The following ITFG1 variants were observed in gnomAD, a reference collection of about 807,000 sequenced individuals.
ITFG1 encodes integrin alpha FG-GAP repeat containing 1.
A neutral mutation model predicts 81.8 loss-of-function variants in ITFG1; 34 were observed. The observed-to-expected ratio is 0.42, with a 90% confidence interval of 0.32 to 0.55. The LOEUF (loss-of-function observed/expected upper bound fraction) is 0.55, where lower values mean the gene tolerates loss of function less well. ITFG1 is among the 20% of genes least tolerant of loss of function. The probability of loss-of-function intolerance (pLI) is 0.17; values close to 1 mark genes in which losing one functional copy is unlikely to be tolerated. For synonymous variants in ITFG1, 285 were observed against 270.6 expected (o/e 1.05, Z -0.52); for missense variants, 672 against 755.4 (o/e 0.89, Z 1.29).
chr16:47,378,507 T>A (rs192990676), intron 6 of ITFG1, among the ~76,000 whole-genome samples: 1 of 152,320 alleles, frequency 6.6e-6, no homozygotes, highest in East Asian at 1.9e-4. Flanking sequence ...GAATCTATAT[T>A]TGCATAGAAG....
intron 8 of ITFG1, among the ~76,000 whole-genome samples, chr16:47,354,208 T>C (rs546620126): frequency 2.0e-5 from 3 of 152,058 alleles, no homozygotes; most frequent in Admixed American, 6.6e-5. Flanking sequence ...AACAGAAACA[T>C]AGACCAATAG....
chr16:47,425,818 T>C (rs1308830223), intron 6 of ITFG1: 3 of 152,242 alleles, frequency 2.0e-5, no homozygotes, highest in Admixed American at 6.5e-5. Context: ...CTCAAACTCC[T>C]AAGCTCAAGT....
At chr16:47,185,683 C>T (rs928653772) in intron 14 of ITFG1, among the ~76,000 whole-genome samples, 6 of 152,166 alleles carry the variant, frequency 3.9e-5, no homozygotes, top group Admixed American at 1.3e-4. Flanking sequence ...GACACCCTAA[C>T]ATCACAATTA....
intron 5 of ITFG1, among the ~76,000 whole-genome samples, chr16:47,432,213 C>T (rs182277833): frequency 2.8e-4 from 43 of 152,244 alleles, no homozygotes; most frequent in Admixed American, 7.8e-4. Flanking sequence ...AAGTCACTAC[C>T]GTTTTCATAG....
chr16:47,373,282 A>G (rs1168624116), intron 7 of ITFG1, among the ~76,000 whole-genome samples: 1 of 151,568 alleles, frequency 6.6e-6, no homozygotes, highest in African/African-American at 2.4e-5. Context: ...TGAATACTAC[A>G]TCTTTTTTTT....
chr16:47,333,996 A>G (rs1458249900), intron 8 of ITFG1, among the ~76,000 whole-genome samples: 1 of 152,208 alleles, frequency 6.6e-6, no homozygotes, highest in Non-Finnish European at 1.5e-5. Flanking sequence ...CATTTACCAT[A>G]TTGGTATTTT....
At chr16:47,163,870 A>T (rs1488284540) in intron 14 of ITFG1, among the ~76,000 whole-genome samples, 1 of 151,514 alleles carries the variant, frequency 6.6e-6, no homozygotes, top group African/African-American at 2.4e-5. Context: ...ACTAATAGTT[A>T]TTAGCCATGA....
chr16:47,161,355 T>G (rs966229449), intron 16 of ITFG1, among the ~76,000 whole-genome samples: 22 of 152,196 alleles, frequency 1.4e-4, no homozygotes, highest in African/African-American at 4.6e-4. Context: ...CTACATCTAT[T>G]TAACTCCAAA....
At chr16:47,246,324 G>A (rs1029173882) in intron 12 of ITFG1, among the ~76,000 whole-genome samples, 2 of 152,016 alleles carry the variant, frequency 1.3e-5, no homozygotes, top group African/African-American at 4.8e-5. Context: ...ATACAATAAA[G>A]TCAAACTAGG....
chr16:47,188,585 G>T (rs1309430400), intron 14 of ITFG1, among the ~76,000 whole-genome samples: 1 of 133,972 alleles, frequency 7.5e-6, no homozygotes, highest in East Asian at 2.3e-4. Flanking sequence ...GACAGAGGAA[G>T]GGAAACATCA....
intron 12 of ITFG1, among the ~76,000 whole-genome samples, chr16:47,244,594 TGTGTGTGTGTG>T (rs1965976053): frequency 0.012 from 13 of 1,078 alleles, no homozygotes; most frequent in Non-Finnish European, 0.043. Flanking sequence ...CCATCTTTTG[TGTGTGTGTGTG>T]TGTGTGTGTG....
At chr16:47,182,232 G>GAATA (rs1312187082) in intron 14 of ITFG1, among the ~76,000 whole-genome samples, 1 of 151,482 alleles carries the variant, frequency 6.6e-6, no homozygotes, top group African/African-American at 2.4e-5. Flanking sequence ...TTAAGTAGGG[G>GAATA]AATAAAATGG....
At chr16:47,272,405 A>T (rs1966352191) in intron 10 of ITFG1, among the ~76,000 whole-genome samples, 1 of 151,004 alleles carries the variant, frequency 6.6e-6, no homozygotes, top group Non-Finnish European at 1.5e-5. Context: ...ATATGAATAC[A>T]TTTTTTTTTA....
At chr16:47,345,416 TCAGCCTCCTGAGTAGCTGGGATTACAG>T (rs2151578981) in intron 8 of ITFG1, among the ~76,000 whole-genome samples, 1 of 152,078 alleles carries the variant, frequency 6.6e-6, no homozygotes, top group South Asian at 2.1e-4. Flanking sequence ...CTCTCCTGCC[TCAGCCTCCTGAGTAGCTGGGATTACAG>T]ATGCGTGCCA....
At chr16:47,240,295 CAAAAAAAAAAA>C (rs565661862) in intron 12 of ITFG1, among the ~76,000 whole-genome samples, 1 of 52,442 alleles carries the variant, frequency 1.9e-5, no homozygotes, top group African/African-American at 7.0e-5. Context: ...GATCCTGTCT[CAAAAAAAAAAA>C]AAAAAAAAAA....
intron 2 of ITFG1, 137 bp from the exon 3 acceptor site, chr16:47,454,295 T>G (rs962588813): frequency 1.4e-5 from 10 of 736,154 alleles, no homozygotes; most frequent in South Asian, 5.1e-5. Context: ...CTCTTTCCTA[T>G]CTTTTCATCC....
At chr16:47,453,673 T>C (rs1303662374) in intron 3 of ITFG1, among the ~76,000 whole-genome samples, 1 of 152,202 alleles carries the variant, frequency 6.6e-6, no homozygotes, top group African/African-American at 2.4e-5. Flanking sequence ...CCACTTCTGA[T>C]AGGGGAAAGA....
chr16:47,385,530 A>C (rs1478001654), intron 6 of ITFG1, among the ~76,000 whole-genome samples: 1 of 152,244 alleles, frequency 6.6e-6, no homozygotes, highest in Non-Finnish European at 1.5e-5. Context: ...CATGAAAATA[A>C]AATGTATATT....
intron 10 of ITFG1, among the ~76,000 whole-genome samples, chr16:47,302,484 C>T (rs1210856001): frequency 1.3e-5 from 2 of 152,026 alleles, no homozygotes; most frequent in Non-Finnish European, 2.9e-5. Flanking sequence ...CCCTCGCTTG[C>T]TCTCAGCACC....
Sources: allele counts gnomAD v4.1 joint callset (sites outside exome capture counted in the v4.1 genomes callset), GRCh38; gene constraint gnomAD v4.1.1; transcripts MANE v1.5; gene names NCBI Gene and HGNC (gene_info 2026-07-23, HGNC 2026-07-21).